Variants in PKNOX1 observed in about 807,000 individuals in gnomAD.
PKNOX1 encodes PBX/knotted 1 homeobox 1.
Under a neutral mutation model 51.9 loss-of-function variants are expected in PKNOX1, and 15 were observed. That is an observed-to-expected ratio of 0.29 (90% CI 0.19 to 0.45). PKNOX1 has a LOEUF of 0.45. Ranked by LOEUF, PKNOX1 falls within the 20% of genes least tolerant of loss-of-function variation. The pLI is 1.00. For missense variants in PKNOX1, 462 were observed against 547.5 expected (o/e 0.84, Z 1.56); for synonymous variants, 219 against 211.1 (o/e 1.04, Z -0.32).
chr21:43,030,230 G>A lies in PKNOX1; in HGVS notation c.*129G>A, dbSNP rs536997946. ...TTGTATTTCATAGTAAGCTTAAAGC[G>A]CGTCTTTGCCGGTGCAGCGACTTCT... is the stretch of plus-strand genomic sequence containing the variant. On this transcript the variant is annotated 3_prime_UTR_variant, in exon 11 of 11. Transcript: ENST00000291547. 1.4e-5 allele frequency: 10 copies of A among 738,570 alleles called. No homozygotes were observed. The highest frequency in any genetic ancestry group is 4.4e-5 in the South Asian group (2 of 45,838). The allele number at this position is 738,570 out of a possible 1,614,324, so 45.8% of individuals were successfully genotyped here. A position where few individuals can be genotyped will look rare whatever the true frequency, so the allele number is the denominator to read the frequency against.
intron 1 of PKNOX1, among the ~76,000 whole-genome samples, chr21:42,981,453 T>A (rs1226348375): frequency 6.6e-6 from 1 of 152,272 alleles, no homozygotes; most frequent in Non-Finnish European, 1.5e-5. Context: ...TTGTCTGGCA[T>A]GTGGTATAAA....
chr21:42,975,744 C>T (rs2058993048), intron 1 of PKNOX1, among the ~76,000 whole-genome samples: 1 of 152,228 alleles, frequency 6.6e-6, no homozygotes, highest in African/African-American at 2.4e-5. Flanking sequence ...GGGGCCGCAG[C>T]CCTGGGGGGT....
intron 1 of PKNOX1, among the ~76,000 whole-genome samples, chr21:42,983,557 T>A (rs1409859612): frequency 1.3e-5 from 2 of 152,220 alleles, no homozygotes; most frequent in African/African-American, 4.8e-5. Context: ...GAGTTCCTTC[T>A]ACCTTTTGAC....
chr21:42,984,031 T>C (rs781523722), intron 1 of PKNOX1, among the ~76,000 whole-genome samples: 1 of 152,180 alleles, frequency 6.6e-6, no homozygotes, highest in Non-Finnish European at 1.5e-5. Context: ...TCAAGTCCTT[T>C]GCCCCTTTTT....
At chr21:43,029,251 C>T (rs1182496766) in intron 10 of PKNOX1, among the ~76,000 whole-genome samples, 1 of 152,024 alleles carries the variant, frequency 6.6e-6, no homozygotes, top group Non-Finnish European at 1.5e-5. Context: ...TTCTCTTCAT[C>T]CCCCATGCCC....
At chr21:43,009,909 T>C in intron 3 of PKNOX1, 144 bp from the exon 4 acceptor site, 1 of 462,266 alleles carries the variant, frequency 2.2e-6, no homozygotes, top group Non-Finnish European at 3.8e-6. Context: ...AACCGTTGAA[T>C]TGCATACTTT....
At chr21:42,981,253 T>C (rs1017206418) in intron 1 of PKNOX1, among the ~76,000 whole-genome samples, 2 of 152,242 alleles carry the variant, frequency 1.3e-5, no homozygotes, top group Non-Finnish European at 2.9e-5. Context: ...GGCATGGTCC[T>C]TGGTGGAAAG....
intron 8 of PKNOX1, among the ~76,000 whole-genome samples, chr21:43,023,880 C>T (rs529468353): frequency 5.3e-5 from 8 of 151,720 alleles, no homozygotes; most frequent in Middle Eastern, 3.5e-3. Context: ...TCCCAAAGTA[C>T]TGGGATTACA....
intron 1 of PKNOX1, among the ~76,000 whole-genome samples, chr21:42,990,388 TG>T (rs1235879853): frequency 4.6e-5 from 7 of 152,312 alleles, no homozygotes; most frequent in Admixed American, 2.6e-4. Flanking sequence ...CCTTAGCAAG[TG>T]AAAAAAGTGA....
At chr21:43,004,178 G>C in intron 1 of PKNOX1, 148 bp from the exon 2 acceptor site, 1 of 427,234 alleles carries the variant, frequency 2.3e-6, no homozygotes, top group Non-Finnish European at 4.4e-6. Context: ...CGGAGGTTGA[G>C]GTGAGCCGAG....
rs543043958 is a variant in PKNOX1, at chr21:43,014,140, C to G, written c.522+902C>G. ...GGGTTCATGCCATTCTCCTGCCTCACCCTCCTGAGTAGCTGGGACTACAGG... is the reference window on the plus strand; with the variant it reads ...GGGTTCATGCCATTCTCCTGCCTCAGCCTCCTGAGTAGCTGGGACTACAGG... On this transcript the variant is annotated intron_variant, in intron 5 of 10. Transcript: ENST00000291547. Among the ~76,000 whole-genome samples, 246 of 151,364 alleles carry G rather than the reference C, an allele frequency of 1.6e-3. 1 individual carries two copies. The highest frequency in any genetic ancestry group is 2.9e-3 in the Non-Finnish European group (195 of 67,840).
At chr21:43,019,396 A>G (rs1292702389) in intron 7 of PKNOX1, among the ~76,000 whole-genome samples, 1 of 63,244 alleles carries the variant, frequency 1.6e-5, no homozygotes, top group Non-Finnish European at 3.2e-5. Context: ...CATCTCAAAT[A>G]AAATAAAATA....
chr21:43,020,747 G>T (rs1979714504), intron 7 of PKNOX1, among the ~76,000 whole-genome samples: 1 of 152,182 alleles, frequency 6.6e-6, no homozygotes. Flanking sequence ...TTTTCGGCTA[G>T]GAAGTCACAT....
intron 1 of PKNOX1, among the ~76,000 whole-genome samples, chr21:42,990,571 T>C (rs1284079094): frequency 6.6e-6 from 1 of 152,214 alleles, no homozygotes; most frequent in Non-Finnish European, 1.5e-5. Context: ...GTACTGATCA[T>C]GGAACTCTAG....
intron 1 of PKNOX1, among the ~76,000 whole-genome samples, chr21:42,986,959 G>A (rs901581055): frequency 1.3e-5 from 2 of 152,152 alleles, no homozygotes; most frequent in African/African-American, 4.8e-5. Context: ...TCTGCTAGGC[G>A]CGGCACCTGG....
At chr21:42,975,127 G>T (rs2058986624) in intron 1 of PKNOX1, among the ~76,000 whole-genome samples, 1 of 145,348 alleles carries the variant, frequency 6.9e-6, no homozygotes, top group Non-Finnish European at 1.5e-5. Flanking sequence ...CGGGGCCGGG[G>T]CGGGCGGCGC....
intron 1 of PKNOX1, among the ~76,000 whole-genome samples, chr21:42,989,139 G>A (rs1184395723): frequency 6.6e-6 from 1 of 151,970 alleles, no homozygotes; most frequent in Non-Finnish European, 1.5e-5. Flanking sequence ...CGTAAAAAGG[G>A]ACTGAATAAT....
intron 3 of PKNOX1, among the ~76,000 whole-genome samples, chr21:43,009,494 C>A (rs1041270224): frequency 6.7e-6 from 1 of 149,446 alleles, no homozygotes; most frequent in African/African-American, 2.5e-5. Flanking sequence ...CCTGTAGTCC[C>A]GGCTACTTGG....
At position 43,000,702 on chromosome 21, in the gene PKNOX1, T is replaced by C. The variant is rs377043740; in HGVS notation, c.-56-3624T>C. Among the ~76,000 whole-genome samples the C allele has an allele frequency of 5.4e-5, 8 of 149,232 alleles. No individual in the cohort carries two copies. The South Asian group carries it at 6.6e-4, about 12-fold the overall frequency. ...AGGAATTCAAGACCAGCCTGAGCAA[T>C]ATAGCAAGACTTCATCTCTACAAAA... is the stretch of plus-strand genomic sequence containing the variant. On this transcript the variant is annotated intron_variant, in intron 1 of 10. Transcript: ENST00000291547.
Sources: allele counts gnomAD v4.1 joint callset (sites outside exome capture counted in the v4.1 genomes callset), GRCh38; gene constraint gnomAD v4.1.1; transcripts MANE v1.5; gene names NCBI Gene and HGNC (gene_info 2026-07-23, HGNC 2026-07-21).